Variants in PRKAG2 observed in about 807,000 individuals in gnomAD.
PRKAG2 encodes 5'-AMP-activated protein kinase subunit gamma-2.
A neutral mutation model predicts 69.6 loss-of-function variants in PRKAG2; 26 were observed. The observed-to-expected ratio is 0.37, with a 90% CI of 0.27 to 0.52. The LOEUF is 0.52. PRKAG2 is among the 20% of genes least tolerant of loss of function. The pLI is 0.90. For synonymous variants in PRKAG2, 293 were observed against 285.0 expected (o/e 1.03, Z -0.28); for missense variants, 557 against 740.0 (o/e 0.75, Z 2.87).
At position 151,828,410 on chromosome 7, in the gene PRKAG2, A is replaced by G. The variant is rs1357092971; in HGVS notation, c.115-41869T>C. On this transcript the variant is annotated intron_variant, in intron 1 of 15. Coordinates refer to ENST00000287878, the MANE Select transcript of PRKAG2 (RefSeq NM_016203.4). The surrounding 1 kb of genome is among the most constrained non-coding windows in gnomAD (Gnocchi z 4.6). ...TGCATGCTCAGTAAATATTTGTTTA[A>G]AGAGAGAATGAACAGTTTAATGCAT... Among the ~76,000 whole-genome samples the G allele has an allele frequency of 2.0e-5, 3 of 152,240 alleles. No homozygotes were observed. The highest frequency in any genetic ancestry group is 7.2e-5 in the African/African-American group (3 of 41,470).
At chr7:151,742,865 G>A (rs981844909) in intron 3 of PRKAG2, among the ~76,000 whole-genome samples, 1 of 152,142 alleles carries the variant, frequency 6.6e-6, no homozygotes, top group Admixed American at 6.5e-5. Context: ...ACACATGCCT[G>A]AAATTCCTTA....
At chr7:151,874,459 T>TATGTATATGTATATG (rs1300461613) in intron 1 of PRKAG2, among the ~76,000 whole-genome samples, 2 of 22,598 alleles carry the variant, frequency 8.9e-5, no homozygotes, top group African/African-American at 1.9e-4. Context: ...ATATGATGTA[T>TATGTATATGTATATG]ATGTATATGT....
chr7:151,740,949 A>G (rs1485681726), intron 3 of PRKAG2, among the ~76,000 whole-genome samples: 1 of 152,202 alleles, frequency 6.6e-6, no homozygotes, highest in Non-Finnish European at 1.5e-5. Flanking sequence ...CCCAAACTTA[A>G]CTGTGATTAA....
intron 3 of PRKAG2, among the ~76,000 whole-genome samples, chr7:151,703,664 C>T (rs942415176): frequency 6.6e-6 from 1 of 152,108 alleles, no homozygotes; most frequent in African/African-American, 2.4e-5. Flanking sequence ...CCCTGCCAGG[C>T]ACCACCTGCC....
At chr7:151,862,128 G>A (rs1463847981) in intron 1 of PRKAG2, among the ~76,000 whole-genome samples, 2 of 152,052 alleles carry the variant, frequency 1.3e-5, no homozygotes, top group Non-Finnish European at 1.5e-5. Flanking sequence ...AGGTCTAGGC[G>A]CCCGGCCCGT....
At chr7:151,616,918 T>A (rs539392724) in intron 5 of PRKAG2, among the ~76,000 whole-genome samples, 1 of 152,240 alleles carries the variant, frequency 6.6e-6, no homozygotes, top group East Asian at 1.9e-4. Flanking sequence ...TGGCTGGAGA[T>A]GCGACAGGAA....
Position 151,645,604 on chromosome 7 carries a change from T to C in PRKAG2, c.685-13466A>G, listed in dbSNP as rs549392970. On this transcript the variant is annotated intron_variant, in intron 4 of 15. Coordinates refer to ENST00000287878, the MANE Select transcript of PRKAG2 (RefSeq NM_016203.4). ...GTTTTAAAAAAATGCATTTAGGATG[T>C]AAGTCCTTTGTCAGACACATGTACT... Among the ~76,000 whole-genome samples, 7 of 152,340 alleles carry C rather than the reference T, an allele frequency of 4.6e-5. No homozygotes were observed. In the East Asian group the frequency reaches 1.3e-3, roughly 29 times the overall value.
intron 3 of PRKAG2, among the ~76,000 whole-genome samples, chr7:151,764,341 G>A (rs2075611275): frequency 6.6e-6 from 1 of 152,244 alleles, no homozygotes; most frequent in African/African-American, 2.4e-5. Flanking sequence ...CAGCGCTCCA[G>A]AAGGGAGAAA....
intron 3 of PRKAG2, among the ~76,000 whole-genome samples, chr7:151,729,391 G>A (rs1798553071): frequency 7.2e-6 from 1 of 139,172 alleles, no homozygotes; most frequent in Non-Finnish European, 1.6e-5. Context: ...TTTTGGGTGG[G>A]AACTGGCAAA....
intron 4 of PRKAG2, among the ~76,000 whole-genome samples, chr7:151,633,439 G>A (rs1825173481): frequency 6.6e-6 from 1 of 151,714 alleles, no homozygotes; most frequent in African/African-American, 2.4e-5. Flanking sequence ...GAAAGAAAAC[G>A]CATACAGATT....
chr7:151,596,804 G>T (rs1814654541), intron 5 of PRKAG2, among the ~76,000 whole-genome samples: 1 of 151,752 alleles, frequency 6.6e-6, no homozygotes, highest in Non-Finnish European at 1.5e-5. Flanking sequence ...AAATAAAAGG[G>T]AAGATATCTT....
At chr7:151,663,525 C>A (rs1218361036) in intron 4 of PRKAG2, among the ~76,000 whole-genome samples, 1 of 152,048 alleles carries the variant, frequency 6.6e-6, no homozygotes, top group Non-Finnish European at 1.5e-5. Context: ...ACCAGCCCAG[C>A]TAATTTTTTG....
intron 3 of PRKAG2, among the ~76,000 whole-genome samples, chr7:151,720,566 C>T (rs1211520290): frequency 1.3e-5 from 2 of 149,252 alleles, no homozygotes; most frequent in African/African-American, 2.5e-5. Flanking sequence ...AACAAAGCAC[C>T]GTCAAGCTCT....
intron 3 of PRKAG2, among the ~76,000 whole-genome samples, chr7:151,729,734 C>T (rs1223389898): frequency 2.0e-5 from 3 of 152,114 alleles, no homozygotes; most frequent in African/African-American, 2.4e-5. Context: ...GCAGGCCTCT[C>T]GGAGTCCCTA....
intron 3 of PRKAG2, among the ~76,000 whole-genome samples, chr7:151,708,419 T>C (rs111644265): frequency 2.1e-4 from 32 of 152,270 alleles, no homozygotes; most frequent in African/African-American, 7.5e-4. Flanking sequence ...TCGAAGAGAA[T>C]AGAAGCAACA....
Position 151,814,348 on chromosome 7 carries a change from A to G in PRKAG2, c.115-27807T>C, listed in dbSNP as rs2078572597. The G allele has an allele frequency of 2.7e-6, 3 of 1,104,392 alleles. No homozygotes were observed. The highest frequency in any genetic ancestry group is 3.4e-6 in the Non-Finnish European group (3 of 884,876). The allele number at this position is 1,104,392 out of a possible 1,614,324, so 68.4% of individuals were successfully genotyped here. On this transcript the variant is annotated intron_variant, in intron 1 of 15. Transcript: ENST00000287878. The surrounding 1 kb of genome is among the most constrained non-coding windows in gnomAD (Gnocchi z 4.8). Reference sequence around the variant, plus strand: ...AAGGAGACAAAGCATCGTGAGGGGGAAAACCGCACACCCAGGGACGCACAA... The same window carrying G: ...AAGGAGACAAAGCATCGTGAGGGGGGAAACCGCACACCCAGGGACGCACAA...
chr7:151,631,218 G>A (rs754792260), intron 5 of PRKAG2, among the ~76,000 whole-genome samples: 2 of 152,232 alleles, frequency 1.3e-5, no homozygotes, highest in African/African-American at 2.4e-5. Flanking sequence ...ACAAGACAGT[G>A]TGAACGCCTT....
intron 14 of PRKAG2, among the ~76,000 whole-genome samples, chr7:151,562,489 G>A (rs1805286791): frequency 6.9e-6 from 1 of 144,672 alleles, no homozygotes; most frequent in Non-Finnish European, 1.5e-5. Context: ...AATAATAATG[G>A]CTTGGTCATC....
intron 4 of PRKAG2, 109 bp downstream of exon 4, chr7:151,675,311 C>T (rs540868815): frequency 2.3e-4 from 245 of 1,070,368 alleles, no homozygotes; most frequent in Non-Finnish European, 3.0e-4. Context: ...ATGTCGGGAG[C>T]ACACGACCTC....
Sources: gnomAD v4.1 joint callset for allele counts (sites outside exome capture counted in the v4.1 genomes callset) on GRCh38, gnomAD v4.1.1 for gene constraint, Gnocchi (gnomAD v3.1) non-coding constraint, MANE v1.5 for transcripts, NCBI Gene and HGNC (gene_info 2026-07-23, HGNC 2026-07-21) for gene names.